GNAQ: variants seen among roughly 807,000 people sequenced by gnomAD.
The protein encoded by GNAQ is guanine nucleotide-binding protein G(q) subunit alpha.
A neutral mutation model predicts 43.9 loss-of-function variants in GNAQ; 8 were observed. That is an observed-to-expected ratio of 0.18 (90% CI 0.11 to 0.33). The LOEUF (loss-of-function observed/expected upper bound fraction) is 0.33, where lower values mean the gene tolerates loss of function less well. Ranked by LOEUF, GNAQ falls within the 10% of genes least tolerant of loss-of-function variation. GNAQ has a pLI of 1.00. For missense variants in GNAQ, 158 were observed against 450.8 expected (o/e 0.35, Z 5.88); for synonymous variants, 155 against 170.7 (o/e 0.91, Z 0.71).
At chr9:78,012,488 T>C (rs992814977) in intron 1 of GNAQ, among the ~76,000 whole-genome samples, 5 of 152,026 alleles carry the variant, frequency 3.3e-5, no homozygotes, top group Admixed American at 6.6e-5. Flanking sequence ...ATTACAGGTG[T>C]AAACCACCTC....
At chr9:77,786,295 G>A (rs1404904704) in intron 5 of GNAQ, among the ~76,000 whole-genome samples, 3 of 150,590 alleles carry the variant, frequency 2.0e-5, no homozygotes, top group African/African-American at 4.9e-5. Context: ...GGAGAATGGC[G>A]TGAACCCGGA....
intron 1 of GNAQ, among the ~76,000 whole-genome samples, chr9:77,946,196 GA>G (rs1822892045): frequency 6.6e-6 from 1 of 152,060 alleles, no homozygotes; most frequent in Non-Finnish European, 1.5e-5. Flanking sequence ...AGGAACTAAA[GA>G]AAAACAGAAA....
intron 5 of GNAQ, among the ~76,000 whole-genome samples, chr9:77,743,910 T>C: frequency 6.6e-6 from 1 of 152,236 alleles, no homozygotes; most frequent in Non-Finnish European, 1.5e-5. Flanking sequence ...GCAGTGACCA[T>C]GTGCTCATAA....
intron 2 of GNAQ, among the ~76,000 whole-genome samples, chr9:77,911,835 G>A (rs1289731735): frequency 1.3e-5 from 2 of 152,066 alleles, no homozygotes; most frequent in African/African-American, 4.8e-5. Context: ...TAATAATGAA[G>A]CCACCATCAC....
intron 2 of GNAQ, among the ~76,000 whole-genome samples, chr9:77,862,016 A>G (rs1478008809): frequency 6.6e-6 from 1 of 151,218 alleles, no homozygotes; most frequent in Admixed American, 6.6e-5. Context: ...GGTAAAAAAA[A>G]AAAAAAAAAA....
chr9:77,804,381 T>C (rs955440811), intron 3 of GNAQ, among the ~76,000 whole-genome samples: 2 of 152,170 alleles, frequency 1.3e-5, no homozygotes, highest in African/African-American at 4.8e-5. Context: ...ATAAATTTTA[T>C]AAGCCAGGTG....
At chr9:77,816,656 C>G (rs1827022496) in intron 2 of GNAQ, among the ~76,000 whole-genome samples, 1 of 151,976 alleles carries the variant, frequency 6.6e-6, no homozygotes, top group Non-Finnish European at 1.5e-5. Context: ...AAATATGCAA[C>G]TAAGCACAAA....
intron 1 of GNAQ, among the ~76,000 whole-genome samples, chr9:77,975,980 T>C (rs1823297123): frequency 6.6e-6 from 1 of 152,210 alleles, no homozygotes; most frequent in Admixed American, 6.5e-5. Flanking sequence ...AAGAGCCATG[T>C]CACTGTTAAA....
At chr9:77,791,156 G>A (rs1045353784) in intron 5 of GNAQ, among the ~76,000 whole-genome samples, 2 of 152,140 alleles carry the variant, frequency 1.3e-5, no homozygotes, top group Non-Finnish European at 2.9e-5. Flanking sequence ...CATTCAAAGA[G>A]GACATGGAGG....
At chr9:77,909,696 AAC>A (rs1554724923) in intron 2 of GNAQ, among the ~76,000 whole-genome samples, 3 of 151,656 alleles carry the variant, frequency 2.0e-5, no homozygotes, top group African/African-American at 7.3e-5. Context: ...AAAAAAAAAA[AAC>A]AACAACTGCA....
intron 5 of GNAQ, among the ~76,000 whole-genome samples, chr9:77,776,569 AAT>A (rs1203434297): frequency 6.6e-6 from 1 of 152,242 alleles, no homozygotes; most frequent in Non-Finnish European, 1.5e-5. Context: ...TGCACTGAAC[AAT>A]AGAGCCCCAA....
chr9:77,944,596 C>T (rs1381080010), intron 1 of GNAQ, among the ~76,000 whole-genome samples: 1 of 152,162 alleles, frequency 6.6e-6, no homozygotes, highest in Non-Finnish European at 1.5e-5. Context: ...CCTCACATAA[C>T]TCTGTGAACC....
chr9:78,005,945 T>C (rs1479710445), intron 1 of GNAQ, among the ~76,000 whole-genome samples: 2 of 152,172 alleles, frequency 1.3e-5, no homozygotes, highest in African/African-American at 2.4e-5. Context: ...CAAGCTTCCA[T>C]GGGTCCTCTC....
intron 1 of GNAQ, among the ~76,000 whole-genome samples, chr9:78,024,493 G>A (rs1030385173): frequency 1.3e-5 from 2 of 152,104 alleles, no homozygotes; most frequent in African/African-American, 2.4e-5. Context: ...TTGCCTTCAC[G>A]GAGCTTCCAA....
intron 2 of GNAQ, among the ~76,000 whole-genome samples, chr9:77,900,325 G>A (rs561302899): frequency 3.6e-4 from 55 of 152,228 alleles, no homozygotes; most frequent in African/African-American, 1.2e-3. Context: ...GAGACACTAA[G>A]ATATTTTACT....
intron 1 of GNAQ, among the ~76,000 whole-genome samples, chr9:77,971,464 G>C (rs1170615722): frequency 1.3e-5 from 2 of 152,126 alleles, no homozygotes; most frequent in Non-Finnish European, 2.9e-5. Context: ...GGGATGCAAG[G>C]CTGGTTCAAC....
chr9:77,941,549 A>G (rs529853656), intron 1 of GNAQ, among the ~76,000 whole-genome samples: 9 of 152,140 alleles, frequency 5.9e-5, no homozygotes, highest in South Asian at 2.1e-4. Context: ...ATGCCTGGCC[A>G]ATAGGTACCA....
intron 1 of GNAQ, among the ~76,000 whole-genome samples, chr9:77,973,346 T>G (rs1823261327): frequency 6.6e-6 from 1 of 152,180 alleles, no homozygotes; most frequent in Non-Finnish European, 1.5e-5. Flanking sequence ...GGGCATATTT[T>G]TACACGCAGC....
intron 1 of GNAQ, among the ~76,000 whole-genome samples, chr9:77,998,367 T>A (rs987635033): frequency 1.3e-5 from 2 of 152,262 alleles, no homozygotes; most frequent in Admixed American, 6.5e-5. Flanking sequence ...ATGGTTTCTA[T>A]GAAATACCCA....
Sources: allele counts gnomAD v4.1 joint callset (sites outside exome capture counted in the v4.1 genomes callset), GRCh38; gene constraint gnomAD v4.1.1; transcripts MANE v1.5; gene names NCBI Gene and HGNC (gene_info 2026-07-23, HGNC 2026-07-21).